The following ENTREP2 variants were observed in gnomAD, a reference collection of about 807,000 sequenced individuals.
ENTREP2 encodes the protein protein ENTREP2.
the ENTREP2 span, among the ~76,000 whole-genome samples, chr15:29,631,980 G>T: frequency 2.6e-5 from 4 of 152,206 alleles, no homozygotes; most frequent in African/African-American, 9.6e-5. Flanking sequence ...TTGCTAAGGT[G>T]TGCACTTAGC....
At chr15:29,245,763 T>A in the ENTREP2 span, among the ~76,000 whole-genome samples, 2,169 of 152,120 alleles carry the variant, frequency 0.014, 35 homozygotes, top group Non-Finnish European at 0.022. Context: ...ATTAAAGAAA[T>A]GAAAATTACA....
chr15:29,171,418 CTACTG>C, the ENTREP2 span, among the ~76,000 whole-genome samples: 1 of 152,310 alleles, frequency 6.6e-6, no homozygotes, highest in Admixed American at 6.5e-5. Flanking sequence ...CCTGGACACT[CTACTG>C]TCTGTTCACC....
At chr15:29,603,539 C>T in the ENTREP2 span, among the ~76,000 whole-genome samples, 31 of 152,150 alleles carry the variant, frequency 2.0e-4, no homozygotes, top group Non-Finnish European at 4.6e-4. Flanking sequence ...AGTGAGTGCT[C>T]TTCGGGGGCA....
At chr15:29,587,386 G>T in the ENTREP2 span, among the ~76,000 whole-genome samples, 1 of 152,014 alleles carries the variant, frequency 6.6e-6, no homozygotes, top group African/African-American at 2.4e-5. Context: ...TGACAAAAGG[G>T]TTCAGGAGCC....
the ENTREP2 span, among the ~76,000 whole-genome samples, chr15:29,212,882 T>G: frequency 2.0e-5 from 3 of 152,236 alleles, no homozygotes; most frequent in Non-Finnish European, 4.4e-5. Context: ...ATGTCCTGAA[T>G]AGTATTGTCT....
chr15:29,637,743 C>T, the ENTREP2 span, among the ~76,000 whole-genome samples: 96 of 152,210 alleles, frequency 6.3e-4, no homozygotes, highest in African/African-American at 2.0e-3. Flanking sequence ...AGATCTATTA[C>T]GGGAACGAGA....
At chr15:29,338,060 TATC>T in the ENTREP2 span, among the ~76,000 whole-genome samples, 1 of 152,122 alleles carries the variant, frequency 6.6e-6, no homozygotes, top group Non-Finnish European at 1.5e-5. Flanking sequence ...TATGTATCTA[TATC>T]ATCATACATG....
chr15:29,146,591 A>C, the ENTREP2 span, among the ~76,000 whole-genome samples: 1 of 152,202 alleles, frequency 6.6e-6, no homozygotes, highest in African/African-American at 2.4e-5. Context: ...AACAGAACAA[A>C]GCTGGACCCC....
chr15:29,455,925 C>T, the ENTREP2 span, among the ~76,000 whole-genome samples: 1 of 152,210 alleles, frequency 6.6e-6, no homozygotes, highest in South Asian at 2.1e-4. Context: ...CCGTCACTAT[C>T]TCCCATCATC....
At chr15:29,442,675 G>A in the ENTREP2 span, among the ~76,000 whole-genome samples, 1 of 152,140 alleles carries the variant, frequency 6.6e-6, no homozygotes, top group Non-Finnish European at 1.5e-5. Flanking sequence ...GGCTCCAGTG[G>A]CCTGATTGGA....
chr15:29,608,767 C>T, the ENTREP2 span, among the ~76,000 whole-genome samples: 1 of 151,772 alleles, frequency 6.6e-6, no homozygotes, highest in African/African-American at 2.4e-5. Flanking sequence ...CAGGGTTTCA[C>T]CCTGTTAGCC....
chr15:29,289,604 G>A, the ENTREP2 span, among the ~76,000 whole-genome samples: 9,260 of 152,158 alleles, frequency 0.061, 852 homozygotes, highest in African/African-American at 0.19. Flanking sequence ...CCAGCACTTT[G>A]GGAGGCCGAG....
At chr15:29,172,803 G>C in the ENTREP2 span, among the ~76,000 whole-genome samples, 1 of 152,186 alleles carries the variant, frequency 6.6e-6, no homozygotes, top group East Asian at 1.9e-4. Flanking sequence ...CTGGGCTCCA[G>C]CTCCACCTGC....
At chr15:29,127,187 C>A in the ENTREP2 span, among the ~76,000 whole-genome samples, 1 of 152,140 alleles carries the variant, frequency 6.6e-6, no homozygotes, top group South Asian at 2.1e-4. Flanking sequence ...GGGCTCTTGC[C>A]GGGAACCACT....
At chr15:29,425,089 C>T in the ENTREP2 span, among the ~76,000 whole-genome samples, 1 of 152,266 alleles carries the variant, frequency 6.6e-6, no homozygotes, top group East Asian at 1.9e-4. Context: ...AGTGCAGTGG[C>T]ATGATCTCCA....
chr15:29,131,600 T>A, the ENTREP2 span, among the ~76,000 whole-genome samples: 5 of 6,724 alleles, frequency 7.4e-4, no homozygotes, highest in East Asian at 1.8e-3. Flanking sequence ...TCCCCCTCCT[T>A]CACACACCCC....
the ENTREP2 span, among the ~76,000 whole-genome samples, chr15:29,211,955 T>C: frequency 3.7e-3 from 569 of 152,320 alleles, 1 homozygote; most frequent in African/African-American, 0.013. Context: ...GTTATGTCCT[T>C]TCCTGGTTTT....
the ENTREP2 span, among the ~76,000 whole-genome samples, chr15:29,403,662 A>G: frequency 6.6e-6 from 1 of 152,154 alleles, no homozygotes; most frequent in East Asian, 1.9e-4. Context: ...CATAAACCGC[A>G]CACTATTTAT....
chr15:29,185,110 A>G, the ENTREP2 span, among the ~76,000 whole-genome samples: 1 of 152,098 alleles, frequency 6.6e-6, no homozygotes, highest in Non-Finnish European at 1.5e-5. Context: ...TAGCTAGTTC[A>G]ACATACAGAA....
Sources: gnomAD v4.1 joint callset for allele counts (sites outside exome capture counted in the v4.1 genomes callset) on GRCh38, gnomAD v4.1.1 for gene constraint, MANE v1.5 for transcripts, NCBI Gene and HGNC (gene_info 2026-07-23, HGNC 2026-07-21) for gene names.